Variants in ILDR1 observed in about 807,000 individuals in gnomAD.
The protein encoded by ILDR1 is immunoglobulin-like domain-containing receptor 1.
A neutral mutation model predicts 62.4 loss-of-function variants in ILDR1; 56 were observed. The observed-to-expected ratio is 0.90, with a 90% CI of 0.72 to 1.12. ILDR1 has a LOEUF of 1.12. ILDR1 is among the 50% of genes most tolerant of loss of function. The probability of loss-of-function intolerance (pLI) is 0.00; values close to 1 mark genes in which losing one functional copy is unlikely to be tolerated. For missense variants in ILDR1, 736 were observed against 710.6 expected (o/e 1.04, Z -0.41); for synonymous variants, 284 against 277.8 (o/e 1.02, Z -0.22).
At chr3:122,002,149 TTAAAAA>T (rs921457167) in intron 3 of ILDR1, among the ~76,000 whole-genome samples, 1 of 152,040 alleles carries the variant, frequency 6.6e-6, no homozygotes, top group African/African-American at 2.4e-5. Flanking sequence ...CAAAAAAAAG[TTAAAAA>T]TAAAATACTG....
At chr3:122,030,653 A>C in the ILDR1 span, among the ~76,000 whole-genome samples, 4 of 126,070 alleles carry the variant, frequency 3.2e-5, no homozygotes, top group African/African-American at 9.8e-5. Context: ...CTCTCTCTCT[A>C]AGTGTTTCTT....
chr3:122,034,462 G>T, the ILDR1 span, among the ~76,000 whole-genome samples: 1 of 152,186 alleles, frequency 6.6e-6, no homozygotes, highest in African/African-American at 2.4e-5. Flanking sequence ...GAAAAAGCAA[G>T]CTCATATACA....
chr3:122,004,901 G>C (rs1185440277), intron 3 of ILDR1, among the ~76,000 whole-genome samples: 1 of 152,174 alleles, frequency 6.6e-6, no homozygotes, highest in Non-Finnish European at 1.5e-5. Flanking sequence ...TGGGGTTTCA[G>C]TAGGCCCTGA....
At chr3:122,057,574 C>A in the ILDR1 span, among the ~76,000 whole-genome samples, 7 of 151,972 alleles carry the variant, frequency 4.6e-5, no homozygotes, top group African/African-American at 1.5e-4. Flanking sequence ...CAATTTGAAT[C>A]CCATCTGTAG....
chr3:122,026,848 A>G (rs2071925221), upstream of ILDR1, among the ~76,000 whole-genome samples: 1 of 152,250 alleles, frequency 6.6e-6, no homozygotes. Context: ...AATAGAATTA[A>G]AAGGCTGAAA....
At chr3:122,011,677 T>TACACACACACACACACACACACA (rs139879742) in intron 1 of ILDR1, among the ~76,000 whole-genome samples, 1 of 133,138 alleles carries the variant, frequency 7.5e-6, no homozygotes, top group African/African-American at 3.0e-5. Flanking sequence ...TCTCTCTCTT[T>TACACACACACACACACACACACA]CACACACACA....
chr3:122,002,414 C>T (rs956368044), intron 3 of ILDR1, among the ~76,000 whole-genome samples: 1 of 152,152 alleles, frequency 6.6e-6, no homozygotes, highest in Admixed American at 6.5e-5. Context: ...ACTCCACATT[C>T]TGGGTCCCTT....
rs1358168829 is a variant in ILDR1 at position 122,022,187 on chromosome 3, T to TC, written c.-111dup. 4 of 965,288 alleles carry TC rather than the reference T, an allele frequency of 4.1e-6. No homozygotes were observed. In the Admixed American group the frequency reaches 9.0e-5, roughly 22 times the overall value. 59.8% of individuals were successfully genotyped at this position (965,288 alleles called of 1,614,324 possible). ...CCTTCTCCAAGGAACCCCTCGGGTT[T>TC]CCCCTCCCTCGGCGCAGCGGGGAGG... On this transcript the variant is annotated 5_prime_UTR_variant, in exon 1 of 8. Transcript: ENST00000344209.
At chr3:122,030,244 G>A in the ILDR1 span, among the ~76,000 whole-genome samples, 4 of 152,270 alleles carry the variant, frequency 2.6e-5, no homozygotes, top group Admixed American at 2.0e-4. Flanking sequence ...TAGGACTAGA[G>A]CCGCAGAGAA....
chr3:122,030,823 C>T, the ILDR1 span, among the ~76,000 whole-genome samples: 1 of 152,098 alleles, frequency 6.6e-6, no homozygotes, highest in African/African-American at 2.4e-5. Context: ...TTGGGGAGGC[C>T]CAGGAAGCAG....
chr3:122,017,433 A>G (rs902275022), intron 1 of ILDR1, among the ~76,000 whole-genome samples: 1 of 152,230 alleles, frequency 6.6e-6, no homozygotes, highest in African/African-American at 2.4e-5. Context: ...GGTAAAAGAA[A>G]CCCAGGTAGA....
intron 7 of ILDR1, among the ~76,000 whole-genome samples, chr3:121,990,392 G>C (rs1305540079): frequency 6.6e-6 from 1 of 152,196 alleles, no homozygotes; most frequent in Non-Finnish European, 1.5e-5. Flanking sequence ...ATAACTCCTT[G>C]GGAGATAAGC....
intron 7 of ILDR1, among the ~76,000 whole-genome samples, chr3:121,989,973 T>G (rs752567901): frequency 6.6e-6 from 1 of 152,216 alleles, no homozygotes; most frequent in Non-Finnish European, 1.5e-5. Context: ...AATAAGCATT[T>G]TATAAAAAGT....
Position 122,007,141 on chromosome 3 carries a change from T to G in ILDR1, c.79A>C (p.Thr27Pro). The change falls in exon 2 of 8, where the codon ACG (threonine) becomes CCG (proline). Residue 27 changes from threonine (T) to proline (P), a missense_variant. Coordinates refer to ENST00000344209, the MANE Select transcript of ILDR1 (RefSeq NM_001199799.2). ...ACATAGCGTTCTGTGTGCTGGACCG[T>G]CACAAGCAAGGACAGGCACCCTAAA... The part of the protein sequence containing the change: ...LPAGCLSLLV[T>P]VQHTERYVTL... The G allele has an allele frequency of 6.2e-7, 1 of 1,614,104 alleles. No homozygotes were observed. The highest frequency in any genetic ancestry group is 8.5e-7 in the Non-Finnish European group (1 of 1,180,020).
At chr3:122,036,518 G>A in the ILDR1 span, among the ~76,000 whole-genome samples, 1 of 151,894 alleles carries the variant, frequency 6.6e-6, no homozygotes, top group Non-Finnish European at 1.5e-5. Flanking sequence ...CAACGCGGGA[G>A]GTGGAGCTTG....
In ILDR1 at chr3:122,001,382, T is replaced by A; in HGVS notation, c.572A>T (p.Gln191Leu). The A allele has an allele frequency of 8.1e-6, 13 of 1,614,090 alleles. No individual in the cohort carries two copies. Among genetic ancestry groups the A allele is most frequent in the Non-Finnish European group, 1.1e-5 (13 of 1,180,012 alleles). Residue 191 changes from glutamine to leucine, a missense_variant, in exon 5 of 8, where the codon CAG becomes CTG. Transcript: ENST00000344209. The stretch of plus-strand genomic sequence containing the variant: ...GCAGCAGCAATACTGAGGACAGCAC[T>A]GGCACCAGCACACTCCAATCAGCAG... ...LLLLIGVCWC[Q>L]CCPQYCCCYI...
At position 121,987,661 on chromosome 3, in the gene ILDR1, A is replaced by G. The variant is rs944929814; in HGVS notation, c.*706T>C. On this transcript the variant is annotated 3_prime_UTR_variant, in exon 8 of 8. Transcript: ENST00000344209. Reference sequence around the variant, plus strand: ...CATGGGAATGTCCCTATAATACTCCATAGATTTCCTTTTCCTGAAACATGT... The same window carrying G: ...CATGGGAATGTCCCTATAATACTCCGTAGATTTCCTTTTCCTGAAACATGT... 9 of 156,980 alleles carry G rather than the reference A, an allele frequency of 5.7e-5. No individual in the cohort carries two copies. Among genetic ancestry groups the G allele is most frequent in the African/African-American group, 2.2e-4 (9 of 41,438 alleles). 9.7% of individuals were successfully genotyped at this position (156,980 alleles called of 1,614,324 possible).
At chr3:121,994,082 T>A in intron 6 of ILDR1, 100 bp downstream of exon 6, 1 of 1,502,466 alleles carries the variant, frequency 6.7e-7, no homozygotes, top group Non-Finnish European at 9.0e-7. Context: ...ATCTCCATCA[T>A]GAAGATGCCT....
chr3:122,026,783 T>C (rs2107686227), upstream of ILDR1, among the ~76,000 whole-genome samples: 2 of 152,300 alleles, frequency 1.3e-5, no homozygotes, highest in East Asian at 3.9e-4. Flanking sequence ...AGTATGTTTA[T>C]TATTACAACT....
Sources: allele counts gnomAD v4.1 joint callset (sites outside exome capture counted in the v4.1 genomes callset), GRCh38; gene constraint gnomAD v4.1.1; transcripts MANE v1.5; gene names NCBI Gene and HGNC (gene_info 2026-07-23, HGNC 2026-07-21).